Variants in MACROD2 observed in about 807,000 individuals in gnomAD.
MACROD2 encodes mono-ADP ribosylhydrolase 2, also known as ADP-ribose glycohydrolase MACROD2.
MACROD2 carries 36 observed loss-of-function variants against 70.4 expected under a neutral mutation model. That is an observed-to-expected ratio of 0.51 (90% CI 0.39 to 0.68). MACROD2 has a LOEUF of 0.68. Among genes scored for constraint, MACROD2 ranks in the 30% least tolerant of loss-of-function variants. The pLI is 0.00. For missense variants in MACROD2, 496 were observed against 538.4 expected (o/e 0.92, Z 0.78); for synonymous variants, 172 against 178.8 (o/e 0.96, Z 0.30).
At chr20:14,409,557 A>G (rs1336260153) in intron 3 of MACROD2, among the ~76,000 whole-genome samples, 2 of 151,990 alleles carry the variant, frequency 1.3e-5, no homozygotes, top group Non-Finnish European at 2.9e-5. Flanking sequence ...TGTCTATCTG[A>G]ATGCAGAGAC....
chr20:14,313,493 A>G (rs562881916), intron 3 of MACROD2, among the ~76,000 whole-genome samples: 1 of 144,624 alleles, frequency 6.9e-6, no homozygotes, highest in Non-Finnish European at 1.5e-5. Flanking sequence ...AATGGCATCT[A>G]TGGTTACCTC....
At chr20:14,220,903 CT>C (rs2081667566) in intron 3 of MACROD2, among the ~76,000 whole-genome samples, 1 of 152,100 alleles carries the variant, frequency 6.6e-6, no homozygotes, top group Non-Finnish European at 1.5e-5. Flanking sequence ...GAGCAGTCTG[CT>C]TTTTTCAGAG....
intron 5 of MACROD2, among the ~76,000 whole-genome samples, chr20:14,858,063 C>T (rs533983824): frequency 1.3e-5 from 2 of 152,224 alleles, no homozygotes; most frequent in Admixed American, 6.5e-5. Flanking sequence ...TCAGGTGATC[C>T]GCCTGCCTCC....
At chr20:14,030,358 T>C (rs1408902500) in intron 2 of MACROD2, among the ~76,000 whole-genome samples, 1 of 152,160 alleles carries the variant, frequency 6.6e-6, no homozygotes, top group Non-Finnish European at 1.5e-5. Context: ...TAATTTTTGA[T>C]TCTTTCAGGG....
At chr20:14,700,621 T>G (rs1416565613) in intron 5 of MACROD2, among the ~76,000 whole-genome samples, 1 of 152,006 alleles carries the variant, frequency 6.6e-6, no homozygotes, top group African/African-American at 2.4e-5. Flanking sequence ...AGATTCGTGA[T>G]GAGTGCATTT....
intron 8 of MACROD2, among the ~76,000 whole-genome samples, chr20:15,503,395 G>C (rs980933130): frequency 2.0e-5 from 3 of 152,166 alleles, no homozygotes; most frequent in Admixed American, 6.5e-5. Flanking sequence ...GAAAGACCGG[G>C]TGATATTGAT....
intron 4 of MACROD2, among the ~76,000 whole-genome samples, chr20:14,649,212 G>A (rs1459047736): frequency 6.6e-6 from 1 of 152,174 alleles, no homozygotes; most frequent in Non-Finnish European, 1.5e-5. Context: ...TCTTTGTCCT[G>A]TCATGGGTTC....
intron 8 of MACROD2, among the ~76,000 whole-genome samples, chr20:15,728,753 G>C (rs939764856): frequency 6.6e-6 from 1 of 151,918 alleles, no homozygotes; most frequent in African/African-American, 2.4e-5. Flanking sequence ...TGTCCCCTTT[G>C]TCATTTCTGG....
intron 5 of MACROD2, among the ~76,000 whole-genome samples, chr20:15,121,524 A>AAAG (rs2076030704): frequency 1.3e-5 from 2 of 151,580 alleles, no homozygotes; most frequent in South Asian, 4.2e-4. Context: ...AAAAAAAAAA[A>AAAG]AAAAAAGAAA....
intron 5 of MACROD2, among the ~76,000 whole-genome samples, chr20:14,836,249 C>A (rs1285830402): frequency 6.6e-6 from 1 of 152,072 alleles, no homozygotes; most frequent in Non-Finnish European, 1.5e-5. Flanking sequence ...CTGTAATACC[C>A]AAGAGAGACT....
At chr20:14,423,381 T>G (rs1046177554) in intron 3 of MACROD2, among the ~76,000 whole-genome samples, 4 of 146,188 alleles carry the variant, frequency 2.7e-5, no homozygotes, top group East Asian at 2.1e-4. Context: ...TTCTGGGGGA[T>G]GGGGGCAGGC....
In MACROD2 at chr20:15,487,034, T is replaced by C. The variant is rs191069062; in HGVS notation, c.572-12740T>C. 3.3e-5 allele frequency among the ~76,000 whole-genome samples: 5 copies of C among 152,310 alleles called. No individual in the cohort carries two copies. The East Asian group carries it at 9.6e-4, about 29-fold the overall frequency. ...TTCCTTCTTTTTCATTTCAGGTACC[T>C]GTCTGAAAGGGCAGTAGTTATCTCG... On this transcript the variant is annotated intron_variant, in intron 7 of 17. Coordinates refer to ENST00000684519, the MANE Select transcript of MACROD2 (RefSeq NM_001351661.2).
intron 5 of MACROD2, among the ~76,000 whole-genome samples, chr20:14,749,112 T>C (rs1173109084): frequency 6.6e-6 from 1 of 152,160 alleles, no homozygotes; most frequent in Non-Finnish European, 1.5e-5. Flanking sequence ...CAAACACCAC[T>C]AAAATACTTC....
chr20:15,118,423 C>A (rs1401070073), intron 5 of MACROD2, among the ~76,000 whole-genome samples: 1 of 152,002 alleles, frequency 6.6e-6, no homozygotes, highest in African/African-American at 2.4e-5. Flanking sequence ...GATCTCTTGA[C>A]CTCATGATCC....
rs762464128 is a variant in MACROD2, at chr20:15,957,010, ATGT to A, written c.908-10539_908-10537del. ...AATATGAATGAATTTCACAAACGTA[ATGT>A]TGTGCAAAAGCAAGAAGACACAGAA... On this transcript the variant is annotated intron_variant, in intron 12 of 17. Transcript: ENST00000684519. Among the ~76,000 whole-genome samples, 14 of 152,328 alleles carry A rather than the reference ATGT, an allele frequency of 9.2e-5. No homozygotes were observed. In the South Asian group the frequency reaches 2.9e-3, roughly 32 times the overall value.
chr20:14,179,929 A>G (rs1236958205), intron 3 of MACROD2, among the ~76,000 whole-genome samples: 4 of 152,174 alleles, frequency 2.6e-5, no homozygotes, highest in Admixed American at 1.3e-4. Flanking sequence ...AAATATAAAT[A>G]AGATATAATT....
intron 13 of MACROD2, among the ~76,000 whole-genome samples, chr20:15,975,968 T>C (rs977780425): frequency 5.9e-5 from 9 of 152,208 alleles, no homozygotes; most frequent in Non-Finnish European, 8.8e-5. Context: ...TTTATAAAAG[T>C]ACAGTTTTGA....
chr20:16,000,828 A>G (rs936106420), intron 15 of MACROD2, among the ~76,000 whole-genome samples: 1 of 152,246 alleles, frequency 6.6e-6, no homozygotes, highest in African/African-American at 2.4e-5. Flanking sequence ...GATTGTAATA[A>G]TATGGATGTT....
chr20:14,508,320 T>A (rs1353744627), intron 4 of MACROD2, among the ~76,000 whole-genome samples: 1 of 152,206 alleles, frequency 6.6e-6, no homozygotes, highest in African/African-American at 2.4e-5. Flanking sequence ...TCTTCTCTTT[T>A]CCTTTCTGCT....
Sources: gnomAD v4.1 joint callset for allele counts (sites outside exome capture counted in the v4.1 genomes callset) on GRCh38, gnomAD v4.1.1 for gene constraint, MANE v1.5 for transcripts, NCBI Gene and HGNC (gene_info 2026-07-23, HGNC 2026-07-21) for gene names.